The following MED12L variants were observed in gnomAD, a reference collection of about 807,000 sequenced individuals.
MED12L encodes mediator of RNA polymerase II transcription subunit 12-like protein.
Under a neutral mutation model 281.3 loss-of-function variants are expected in MED12L, and 60 were observed. The observed-to-expected ratio is 0.21, with a 90% CI of 0.17 to 0.26. The LOEUF is 0.26. Among genes scored for constraint, MED12L ranks in the 10% least tolerant of loss-of-function variants. The pLI is 1.00. For synonymous variants in MED12L, 974 were observed against 987.2 expected, an observed-to-expected ratio of 0.99 and a Z score of 0.25; for missense variants, 2,146 against 2,680.9, an observed-to-expected ratio of 0.80 and a Z score of 4.41.
At chr3:151,255,355 C>T (rs1424780307) in intron 16 of MED12L, among the ~76,000 whole-genome samples, 1 of 149,034 alleles carries the variant, frequency 6.7e-6, no homozygotes, top group Non-Finnish European at 1.5e-5. Context: ...TGCCATAGTT[C>T]AAAAGTTGGG....
intron 16 of MED12L, among the ~76,000 whole-genome samples, chr3:151,323,774 G>A (rs1351532856): frequency 6.6e-6 from 1 of 152,176 alleles, no homozygotes; most frequent in Non-Finnish European, 1.5e-5. Flanking sequence ...AAAAGGCCCT[G>A]TACCCAAGTT....
intron 31 of MED12L, among the ~76,000 whole-genome samples, chr3:151,379,655 A>G (rs560770737): frequency 6.6e-6 from 1 of 152,322 alleles, no homozygotes; most frequent in African/African-American, 2.4e-5. Context: ...GTGCTGAAAA[A>G]CAAAATCAAA....
At chr3:151,166,006 T>C in intron 11 of MED12L, 24 bp downstream of exon 11, 1 of 1,576,006 alleles carries the variant, frequency 6.3e-7, no homozygotes, top group Non-Finnish European at 8.6e-7. Flanking sequence ...TTTTAATTCT[T>C]TTCACCTTTT....
intron 12 of MED12L, 79 bp downstream of exon 12, chr3:151,185,540 C>CCTG: frequency 6.8e-7 from 1 of 1,461,138 alleles, no homozygotes; most frequent in Non-Finnish European, 9.3e-7. Flanking sequence ...TTCTCTTACC[C>CCTG]TCATTATGTT....
chr3:151,320,485 C>T (rs1290685379), intron 16 of MED12L, among the ~76,000 whole-genome samples: 1 of 152,192 alleles, frequency 6.6e-6, no homozygotes, highest in Non-Finnish European at 1.5e-5. Context: ...TAGCTGAGAA[C>T]TTGTGCTGAG....
chr3:151,270,430 A>T (rs932664468), intron 16 of MED12L, among the ~76,000 whole-genome samples: 1 of 151,760 alleles, frequency 6.6e-6, no homozygotes, highest in South Asian at 2.1e-4. Context: ...ATACCACTGA[A>T]CTCTCTGGGG....
intron 14 of MED12L, among the ~76,000 whole-genome samples, chr3:151,191,916 CA>C (rs968626476): frequency 8.2e-5 from 12 of 146,616 alleles, no homozygotes; most frequent in East Asian, 2.1e-4. Flanking sequence ...AAAAAACAAA[CA>C]AAAAAAAAAA....
intron 43 of MED12L, chr3:151,425,350 T>C (rs1042730561): frequency 1.1e-5 from 2 of 173,956 alleles, no homozygotes; most frequent in African/African-American, 4.7e-5. Flanking sequence ...TTGAATAAAA[T>C]AGGAATTTAG....
At chr3:151,270,154 A>C (rs1365212204) in intron 16 of MED12L, 1 of 212,606 alleles carries the variant, frequency 4.7e-6, no homozygotes, top group African/African-American at 2.5e-5. Context: ...GATAGGTTCC[A>C]ACCTTTTTAA....
rs568004347 is a variant in MED12L, at chr3:151,288,008, G to A, written c.2251-62051G>A. On this transcript the variant is annotated intron_variant, in intron 16 of 44. Transcript: ENST00000687756. ...CTCTATCCCTTCCCAAATTTGGTTG[G>A]TACCTGCTGATATCTAGAGATCTGG... 1.4e-4 allele frequency among the ~76,000 whole-genome samples: 21 copies of A among 152,158 alleles called. No homozygotes were observed. In the East Asian group the frequency reaches 4.1e-3, roughly 29 times the overall value.
chr3:151,166,838 G>C (rs1391353398), intron 11 of MED12L, among the ~76,000 whole-genome samples: 1 of 152,102 alleles, frequency 6.6e-6, no homozygotes, highest in Non-Finnish European at 1.5e-5. Context: ...ACTATGCTCA[G>C]CTAATTTTTT....
chr3:151,359,849 G>A (rs1308591200), intron 20 of MED12L, among the ~76,000 whole-genome samples: 2 of 152,116 alleles, frequency 1.3e-5, no homozygotes, highest in Non-Finnish European at 2.9e-5. Context: ...GGACTTCTGT[G>A]TTGTATGGAC....
intron 16 of MED12L, chr3:151,300,229 T>C (rs1304090549): frequency 2.7e-6 from 2 of 749,728 alleles, no homozygotes; most frequent in Non-Finnish European, 4.9e-6. Context: ...GAGGAAAAAA[T>C]CATCTGGGAA....
At chr3:151,414,194 A>G (rs1452899603) in intron 42 of MED12L, among the ~76,000 whole-genome samples, 1 of 152,186 alleles carries the variant, frequency 6.6e-6, no homozygotes, top group African/African-American at 2.4e-5. Context: ...TTTAAAAAAT[A>G]TAGGCCATTA....
At chr3:151,389,864 AC>A (rs1398353392) in intron 37 of MED12L, 114 bp from the exon 38 acceptor site, 1 of 943,416 alleles carries the variant, frequency 1.1e-6, no homozygotes, top group African/African-American at 1.7e-5. Context: ...TTTATAAAAA[AC>A]AGCTTTGTAC....
At chr3:151,366,052 A>G in intron 23 of MED12L, 61 bp downstream of exon 23, 2 of 1,338,628 alleles carry the variant, frequency 1.5e-6, no homozygotes, top group Non-Finnish European at 9.9e-7. Context: ...TTAGTGGGTA[A>G]TCTTTTTGCT....
chr3:151,235,624 G>T (rs1458272541), intron 16 of MED12L, among the ~76,000 whole-genome samples: 3 of 152,114 alleles, frequency 2.0e-5, no homozygotes, highest in Non-Finnish European at 2.9e-5. Flanking sequence ...AACCTGGGAG[G>T]CAGAGGTCGC....
chr3:151,170,271 CTTTTTCTTTTTTTT>C lies in MED12L; in HGVS notation c.1494+4295_1494+4308del, dbSNP rs769447802. On this transcript the variant is annotated intron_variant, in intron 11 of 44. Transcript: ENST00000687756. The stretch of plus-strand genomic sequence containing the variant: ...CATGGAATGCACTATTTCTTTTTTT[CTTTTTCTTTTTTTT>C]TTTTTTTTGAGATGGAGTCTTGCTC... Among the ~76,000 whole-genome samples, 183 of 149,416 alleles carry C rather than the reference CTTTTTCTTTTTTTT, an allele frequency of 1.2e-3. 2 individuals carry two copies. The highest frequency in any genetic ancestry group is 1.7e-3 in the Admixed American group (26 of 15,044).
intron 16 of MED12L, among the ~76,000 whole-genome samples, chr3:151,312,876 G>C (rs957557364): frequency 1.3e-5 from 2 of 152,166 alleles, no homozygotes; most frequent in Non-Finnish European, 2.9e-5. Flanking sequence ...TTTGAATGAA[G>C]TATTACCATA....
Sources: gnomAD v4.1 joint callset for allele counts (sites outside exome capture counted in the v4.1 genomes callset) on GRCh38, gnomAD v4.1.1 for gene constraint, MANE v1.5 for transcripts, NCBI Gene and HGNC (gene_info 2026-07-23, HGNC 2026-07-21) for gene names.